MOXD1: variants seen among roughly 807,000 people sequenced by gnomAD.
MOXD1 encodes the protein monooxygenase DBH like 1.
A neutral mutation model predicts 66.6 loss-of-function variants in MOXD1; 62 were observed. The ratio of observed to expected loss-of-function variants is 0.93; its 90% CI spans 0.76 to 1.15. The LOEUF (loss-of-function observed/expected upper bound fraction) is 1.15, where lower values mean the gene tolerates loss of function less well. Ranked by LOEUF, MOXD1 falls within the 50% of genes most tolerant of loss-of-function variation. MOXD1 has a pLI of 0.00. For missense variants in MOXD1, 847 were observed against 754.6 expected, an observed-to-expected ratio of 1.12 and a Z score of -1.44; for synonymous variants, 303 against 281.9, an observed-to-expected ratio of 1.07 and a Z score of -0.75.
At chr6:132,305,585 C>A (rs1421323528) in intron 10 of MOXD1, among the ~76,000 whole-genome samples, 1 of 152,180 alleles carries the variant, frequency 6.6e-6, no homozygotes, top group Non-Finnish European at 1.5e-5. Flanking sequence ...AGGGGTTGTA[C>A]AGGAATAATC....
At chr6:132,356,816 T>A (rs1422915339) in intron 4 of MOXD1, among the ~76,000 whole-genome samples, 1 of 152,060 alleles carries the variant, frequency 6.6e-6, no homozygotes, top group Admixed American at 6.5e-5. Context: ...CCCAAAAAAA[T>A]CCTATATAAA....
intron 10 of MOXD1, among the ~76,000 whole-genome samples, chr6:132,307,612 A>G (rs1014779152): frequency 6.6e-6 from 1 of 152,200 alleles, no homozygotes; most frequent in Non-Finnish European, 1.5e-5. Context: ...CGACCACATA[A>G]TTGGAAGTAA....
intron 1 of MOXD1, among the ~76,000 whole-genome samples, chr6:132,387,925 C>T (rs2114688995): frequency 6.6e-6 from 1 of 151,304 alleles, no homozygotes; most frequent in South Asian, 2.1e-4. Context: ...ACAGGTCCAG[C>T]AAATCAAATG....
chr6:132,365,215 C>T (rs1002840085), intron 4 of MOXD1, among the ~76,000 whole-genome samples: 1 of 152,148 alleles, frequency 6.6e-6, no homozygotes, highest in Non-Finnish European at 1.5e-5. Flanking sequence ...CCACACATGT[C>T]TCTAGACATT....
intron 2 of MOXD1, 25 bp from the exon 3 acceptor site, chr6:132,373,022 T>G (rs1288711565): frequency 2.5e-6 from 4 of 1,594,190 alleles, no homozygotes. Flanking sequence ...TGGGCATGAT[T>G]AGGTCTCATG....
At position 132,372,664 on chromosome 6, in the gene MOXD1, A is replaced by G. The variant is rs763711491; in HGVS notation, c.607T>C (p.Tyr203His). 6.2e-7 allele frequency: 1 copy of G among 1,613,974 alleles called. No individual in the cohort carries two copies. The highest frequency in any genetic ancestry group is 2.2e-5 in the East Asian group (1 of 44,864). Residue 203 changes from tyrosine (Y) to histidine (H), a missense_variant, in exon 4 of 12, where the codon TAT becomes CAT. Physicochemically the swap from Tyr to His is moderately conservative, Grantham distance 83. Transcript: ENST00000367963. The part of the protein sequence containing the change: ...DVPIPNKDTT[Y>H]WCQMFKIPVF... ...GGAATCTTAAACATTTGGCACCAATATGTTGTATCTTTGTTTGGGATGGGG... is the reference window on the plus strand; with the variant it reads ...GGAATCTTAAACATTTGGCACCAATGTGTTGTATCTTTGTTTGGGATGGGG...
At chr6:132,384,243 TTCCTTCCTTCCTTC>T (rs1776571937) in intron 1 of MOXD1, among the ~76,000 whole-genome samples, 1 of 3,304 alleles carries the variant, frequency 3.0e-4, no homozygotes, top group East Asian at 6.9e-3. Flanking sequence ...CCTCCCTCTC[TTCCTTCCTTCCTTC>T]CTTCCTTCCT....
chr6:132,399,410 C>G (rs1464777050), intron 1 of MOXD1, among the ~76,000 whole-genome samples: 2 of 152,128 alleles, frequency 1.3e-5, no homozygotes, highest in Non-Finnish European at 2.9e-5. Context: ...GATGTGTATT[C>G]ACTAATTACT....
chr6:132,345,107 T>G (rs1281072462), intron 4 of MOXD1, among the ~76,000 whole-genome samples: 1 of 152,196 alleles, frequency 6.6e-6, no homozygotes, highest in Non-Finnish European at 1.5e-5. Flanking sequence ...GGCCACAGAA[T>G]TTTCTGGCTT....
chr6:132,373,766 T>C (rs1056278797), intron 2 of MOXD1, among the ~76,000 whole-genome samples: 1 of 152,230 alleles, frequency 6.6e-6, no homozygotes, highest in African/African-American at 2.4e-5. Context: ...ATCTTTGTAA[T>C]AAGAACTTTG....
intron 7 of MOXD1, among the ~76,000 whole-genome samples, chr6:132,323,446 TA>T (rs1202221910): frequency 2.0e-5 from 3 of 152,212 alleles, no homozygotes; most frequent in African/African-American, 7.2e-5. Context: ...ATATTTTCAT[TA>T]AAAAACTTGA....
Position 132,401,157 on chromosome 6 carries a change from G to A in MOXD1, c.264+6C>T. 1 of 1,504,004 alleles carries A rather than the reference G, an allele frequency of 6.6e-7. No individual in the cohort carries two copies. Among genetic ancestry groups the A allele is most frequent in the Non-Finnish European group, 8.8e-7 (1 of 1,131,370 alleles). The allele number at this position is 1,504,004 out of a possible 1,614,324, so 93.2% of individuals were successfully genotyped here. A position where few individuals can be genotyped will look rare whatever the true frequency, so the allele number is the denominator to read the frequency against. On this transcript the variant is annotated splice_donor_region_variant and intron_variant, in intron 1 of 11. Coordinates refer to ENST00000367963, the MANE Select transcript of MOXD1 (RefSeq NM_015529.4). Reference sequence around the variant, plus strand: ...CCGGGCGGGCTCCGGGAGGAGACGCGCTTACCTGGAGGTAGGGCCGCCCGT... The same window carrying A: ...CCGGGCGGGCTCCGGGAGGAGACGCACTTACCTGGAGGTAGGGCCGCCCGT...
intron 1 of MOXD1, among the ~76,000 whole-genome samples, chr6:132,379,430 T>A (rs1233837679): frequency 2.0e-5 from 3 of 152,266 alleles, no homozygotes; most frequent in African/African-American, 7.2e-5. Flanking sequence ...TTCTTCCCCC[T>A]AAGTTTAGGA....
chr6:132,318,353 C>T (rs1011065538), intron 9 of MOXD1, among the ~76,000 whole-genome samples: 6 of 151,958 alleles, frequency 3.9e-5, no homozygotes, highest in East Asian at 1.9e-4. Context: ...TTCAGCATAA[C>T]GGAAATGCTA....
chr6:132,385,430 TAAC>T (rs938390547), intron 1 of MOXD1, among the ~76,000 whole-genome samples: 11 of 150,740 alleles, frequency 7.3e-5, no homozygotes, highest in African/African-American at 2.7e-4. Context: ...AACTTATACA[TAAC>T]AACTATAGAG....
At chr6:132,385,527 A>C (rs1329585429) in intron 1 of MOXD1, among the ~76,000 whole-genome samples, 2 of 150,394 alleles carry the variant, frequency 1.3e-5, no homozygotes, top group African/African-American at 4.9e-5. Flanking sequence ...TCCATTACCC[A>C]GGCTGAAGTT....
chr6:132,336,646 TGTCAAGGGGCCACA>T (rs1363062264), intron 4 of MOXD1, among the ~76,000 whole-genome samples: 1 of 151,910 alleles, frequency 6.6e-6, no homozygotes, highest in East Asian at 1.9e-4. Flanking sequence ...GCTGATGTGG[TGTCAAGGGGCCACA>T]GTCAAGGGGC....
At position 132,397,612 on chromosome 6, in the gene MOXD1, C is replaced by CAGAGAGAGAG. The variant is rs58540885; in HGVS notation, c.264+3541_264+3550dup. On this transcript the variant is annotated intron_variant, in intron 1 of 11. Transcript: ENST00000367963. ...ATTTAAACACACACACACACACTCACAGAGAGAGAGAGAGAGAGAGAGACA... is the reference window on the plus strand; with the variant it reads ...ATTTAAACACACACACACACACTCACAGAGAGAGAGAGAGAGAGAGAGAGAGAGAGAGACA... Among the ~76,000 whole-genome samples, 7 of 137,276 alleles carry CAGAGAGAGAG rather than the reference C, an allele frequency of 5.1e-5. No homozygotes were observed. In the Admixed American group the frequency reaches 5.3e-4, roughly 10 times the overall value. The allele number at this position is 137,276 out of a possible 152,430, so 90.1% of individuals were successfully genotyped here. A position where few individuals can be genotyped will look rare whatever the true frequency, so the allele number is the denominator to read the frequency against.
chr6:132,364,409 T>G (rs1457391695), intron 4 of MOXD1, among the ~76,000 whole-genome samples: 1 of 152,158 alleles, frequency 6.6e-6, no homozygotes, highest in African/African-American at 2.4e-5. Context: ...AAACAAGCAA[T>G]GACGAGCCTA....
Sources: gnomAD v4.1 joint callset for allele counts (sites outside exome capture counted in the v4.1 genomes callset) on GRCh38, gnomAD v4.1.1 for gene constraint, MANE v1.5 for transcripts, NCBI Gene and HGNC (gene_info 2026-07-23, HGNC 2026-07-21) for gene names.